FAM222B: variants seen among roughly 807,000 people sequenced by gnomAD.
FAM222B encodes the protein protein FAM222B.
A neutral mutation model predicts 38.0 loss-of-function variants in FAM222B; 12 were observed. The ratio of observed to expected loss-of-function variants is 0.32; its 90% confidence interval spans 0.20 to 0.51. FAM222B has a LOEUF of 0.51. Among genes scored for constraint, FAM222B ranks in the 20% least tolerant of loss-of-function variants. FAM222B has a pLI of 0.97. For missense variants in FAM222B, 716 were observed against 754.2 expected (o/e 0.95, Z 0.59); for synonymous variants, 329 against 317.2 (o/e 1.04, Z -0.40).
At chr17:28,852,472 A>C (rs1032624248) in intron 1 of FAM222B, among the ~76,000 whole-genome samples, 6 of 151,968 alleles carry the variant, frequency 3.9e-5, no homozygotes, top group Admixed American at 3.3e-4. Flanking sequence ...CCCCATCTGT[A>C]CAAAAAAATT....
chr17:28,845,952 T>C (rs372061221), upstream of FAM222B, among the ~76,000 whole-genome samples: 1 of 145,746 alleles, frequency 6.9e-6, no homozygotes, highest in Non-Finnish European at 1.5e-5. Context: ...GCCTGTAATC[T>C]CAGCACTTTG....
At chr17:28,769,308 A>T (rs1036178631) in intron 1 of FAM222B, among the ~76,000 whole-genome samples, 1 of 150,062 alleles carries the variant, frequency 6.7e-6, no homozygotes, top group Non-Finnish European at 1.5e-5. Context: ...CCTCCCGAGT[A>T]GCTGGGACTA....
chr17:28,831,431 T>C (rs1232740182), intron 1 of FAM222B, among the ~76,000 whole-genome samples: 1 of 152,106 alleles, frequency 6.6e-6, no homozygotes, highest in Non-Finnish European at 1.5e-5. Context: ...TCTGTTGTCC[T>C]TTTTCAAAAT....
intron 1 of FAM222B, among the ~76,000 whole-genome samples, chr17:28,830,911 G>C (rs2038644758): frequency 1.3e-5 from 2 of 151,116 alleles, no homozygotes; most frequent in Non-Finnish European, 2.9e-5. Flanking sequence ...TAATTGTTGA[G>C]ATGACTATTC....
chr17:28,799,784 T>C (rs2037132908), intron 1 of FAM222B, among the ~76,000 whole-genome samples: 1 of 152,124 alleles, frequency 6.6e-6, no homozygotes, highest in Non-Finnish European at 1.5e-5. Context: ...AATTATTTTA[T>C]TTTTTGTAGA....
intron 1 of FAM222B, among the ~76,000 whole-genome samples, chr17:28,822,229 C>A (rs1416555897): frequency 2.0e-5 from 3 of 148,788 alleles, no homozygotes; most frequent in Non-Finnish European, 3.0e-5. Context: ...ACCATACTGG[C>A]CAGGATGGTC....
intron 1 of FAM222B, among the ~76,000 whole-genome samples, chr17:28,805,552 G>A (rs1213140574): frequency 6.6e-6 from 1 of 151,700 alleles, no homozygotes; most frequent in African/African-American, 2.4e-5. Context: ...AATAAAAGAG[G>A]CTGAGATGGG....
At chr17:28,789,772 A>C (rs2036582843) in intron 1 of FAM222B, among the ~76,000 whole-genome samples, 1 of 152,212 alleles carries the variant, frequency 6.6e-6, no homozygotes, top group Admixed American at 6.5e-5. Flanking sequence ...GATGAGTCTA[A>C]TATATCTTAT....
chr17:28,822,796 C>T (rs1243194706), intron 1 of FAM222B, among the ~76,000 whole-genome samples: 2 of 48,820 alleles, frequency 4.1e-5, no homozygotes, highest in Non-Finnish European at 7.1e-5. Context: ...GAGCAAGACT[C>T]CATCTCAAAA....
chr17:28,822,819 AAAAAAAAAAAAAAATATATATATATAT>A (rs1797874477), intron 1 of FAM222B, among the ~76,000 whole-genome samples: 1 of 93,184 alleles, frequency 1.1e-5, no homozygotes, highest in Non-Finnish European at 2.0e-5. Context: ...AAAAAAAAAA[AAAAAAAAAAAAAAATATATATATATAT>A]ATATATATAT....
At chr17:28,780,736 G>T (rs2036131722) in intron 1 of FAM222B, among the ~76,000 whole-genome samples, 1 of 152,026 alleles carries the variant, frequency 6.6e-6, no homozygotes, top group Admixed American at 6.6e-5. Context: ...ACACAAATTA[G>T]GTGGTCGTGG....
intron 1 of FAM222B, among the ~76,000 whole-genome samples, chr17:28,821,033 G>A (rs1201352154): frequency 6.7e-6 from 1 of 149,508 alleles, no homozygotes; most frequent in Non-Finnish European, 1.5e-5. Flanking sequence ...TCGGCTCACT[G>A]CAACCTCCCC....
intron 1 of FAM222B, among the ~76,000 whole-genome samples, chr17:28,820,310 A>AGT (rs2038164927): frequency 6.6e-6 from 1 of 152,254 alleles, no homozygotes; most frequent in African/African-American, 2.4e-5. Context: ...AGTACATTAC[A>AGT]GGTAATGATG....
chr17:28,788,179 TCAG>T (rs1205871691), intron 1 of FAM222B, among the ~76,000 whole-genome samples: 1 of 152,076 alleles, frequency 6.6e-6, no homozygotes, highest in Admixed American at 6.6e-5. Flanking sequence ...CACTCAATGA[TCAG>T]CAGAATTATT....
intron 1 of FAM222B, among the ~76,000 whole-genome samples, chr17:28,793,020 T>A (rs2036775042): frequency 6.6e-6 from 1 of 151,948 alleles, no homozygotes; most frequent in South Asian, 2.1e-4. Flanking sequence ...TGGGCTCAAC[T>A]GCTCCCACCT....
chr17:28,799,458 C>T (rs966594779), intron 1 of FAM222B, among the ~76,000 whole-genome samples: 6 of 151,006 alleles, frequency 4.0e-5, no homozygotes, highest in African/African-American at 9.7e-5. Flanking sequence ...CCACCACGAC[C>T]GGCTAATTTT....
At chr17:28,796,209 T>C (rs1161164132) in intron 1 of FAM222B, among the ~76,000 whole-genome samples, 1 of 152,214 alleles carries the variant, frequency 6.6e-6, no homozygotes, top group Non-Finnish European at 1.5e-5. Flanking sequence ...CAATAAAAGT[T>C]AATTGGACAT....
intron 1 of FAM222B, among the ~76,000 whole-genome samples, chr17:28,773,292 C>CGTG: frequency 6.6e-6 from 1 of 151,516 alleles, no homozygotes; most frequent in South Asian, 2.1e-4. Flanking sequence ...GACTGGCCAA[C>CGTG]GTGGTGAAAC....
At chr17:28,762,380 C>T (rs1318517617) in intron 2 of FAM222B, among the ~76,000 whole-genome samples, 1 of 152,152 alleles carries the variant, frequency 6.6e-6, no homozygotes, top group South Asian at 2.1e-4. Context: ...GTAATCCTGG[C>T]ACTTTGGGAG....
Sources: gnomAD v4.1 joint callset for allele counts (sites outside exome capture counted in the v4.1 genomes callset) on GRCh38, gnomAD v4.1.1 for gene constraint, MANE v1.5 for transcripts, NCBI Gene and HGNC (gene_info 2026-07-23, HGNC 2026-07-21) for gene names.